WDR47: variants seen among roughly 807,000 people sequenced by gnomAD.
The protein encoded by WDR47 is WD repeat-containing protein 47.
A neutral mutation model predicts 97.2 loss-of-function variants in WDR47; 32 were observed. The ratio of observed to expected loss-of-function variants is 0.33; its 90% CI spans 0.25 to 0.44. The LOEUF is 0.44. WDR47 is among the 20% of genes least tolerant of loss of function. The pLI is 1.00. For synonymous variants in WDR47, 375 were observed against 373.5 expected (o/e 1.00, Z -0.05); for missense variants, 782 against 1,102.3 (o/e 0.71, Z 4.11).
At chr1:108,979,403 A>C (rs1658171282) in intron 13 of WDR47, among the ~76,000 whole-genome samples, 1 of 152,166 alleles carries the variant, frequency 6.6e-6, no homozygotes, top group African/African-American at 2.4e-5. Context: ...GTGTGTGCCT[A>C]TGGTCCCAGC....
intron 1 of WDR47, among the ~76,000 whole-genome samples, chr1:109,038,128 C>T (rs1311030001): frequency 6.6e-6 from 1 of 152,146 alleles, no homozygotes; most frequent in Non-Finnish European, 1.5e-5. Flanking sequence ...TATGAGCCAC[C>T]TCGCCCAGCC....
intron 14 of WDR47, 74 bp from the exon 15 acceptor site, chr1:108,971,646 T>C (rs1451635744): frequency 6.6e-7 from 1 of 1,521,538 alleles, no homozygotes; most frequent in African/African-American, 1.4e-5. Flanking sequence ...TTCCTGTTAC[T>C]TTAAGACATT....
rs1290746830 is a variant in WDR47 at position 109,002,328 on chromosome 1, C to T, written c.1329G>A (p.Lys443=). ...RLRYQQHLEQ[K]EQQRQIYQQM... is the part of the protein sequence containing the mutation. ...GTTGGTATATCTGCCGCTGTTGCTCCTTCTGTTCTAAATGCTGTTGATAGC... is the reference window on the plus strand; with the variant it reads ...GTTGGTATATCTGCCGCTGTTGCTCTTTCTGTTCTAAATGCTGTTGATAGC... Residue 443 remains lysine (K), a synonymous_variant, in exon 7 of 15, where the codon AAG becomes AAA. Coordinates refer to ENST00000369962, the MANE Select transcript of WDR47 (RefSeq NM_001142551.2). 1 of 1,613,292 alleles carries T rather than the reference C, an allele frequency of 6.2e-7. No homozygotes were observed. Among genetic ancestry groups the T allele is most frequent in the Non-Finnish European group, 8.5e-7 (1 of 1,179,898 alleles).
intron 1 of WDR47, among the ~76,000 whole-genome samples, chr1:109,033,469 A>C (rs1375526366): frequency 4.6e-5 from 7 of 152,226 alleles, no homozygotes; most frequent in Non-Finnish European, 1.5e-5. Context: ...AACCTCAATA[A>C]TAGTTTTATA....
At chr1:109,028,362 G>GTTTGTTT (rs1662361700) in intron 1 of WDR47, among the ~76,000 whole-genome samples, 1 of 79,788 alleles carries the variant, frequency 1.3e-5, no homozygotes, top group Non-Finnish European at 2.1e-5. Flanking sequence ...TTTTTGTTGG[G>GTTTGTTT]TTTTTTTTTT....
intron 6 of WDR47, among the ~76,000 whole-genome samples, chr1:109,003,384 AATTTT>A (rs1465929453): frequency 6.6e-6 from 1 of 151,946 alleles, no homozygotes; most frequent in Non-Finnish European, 1.5e-5. Context: ...TTCTTTTTTT[AATTTT>A]AATTTTTTTC....
chr1:108,976,542 C>A (rs1657912901), intron 13 of WDR47, among the ~76,000 whole-genome samples: 4 of 152,214 alleles, frequency 2.6e-5, no homozygotes, highest in Admixed American at 2.0e-4. Flanking sequence ...AGGTGCTAAA[C>A]CTCTTCTGAA....
At chr1:109,008,558 G>A (rs912529151) in intron 5 of WDR47, among the ~76,000 whole-genome samples, 5 of 141,108 alleles carry the variant, frequency 3.5e-5, no homozygotes, top group South Asian at 2.4e-4. Flanking sequence ...CCATCGCGCC[G>A]GGCCTCATCC....
At chr1:109,030,612 C>CAG (rs1274932788) in intron 1 of WDR47, among the ~76,000 whole-genome samples, 1 of 142,048 alleles carries the variant, frequency 7.0e-6, no homozygotes, top group African/African-American at 2.5e-5. Context: ...CTTTAATCTT[C>CAG]CAAGTATTAC....
At chr1:109,019,548 G>A (rs949096846) in intron 2 of WDR47, among the ~76,000 whole-genome samples, 4 of 152,124 alleles carry the variant, frequency 2.6e-5, no homozygotes, top group Non-Finnish European at 5.9e-5. Context: ...CACAACTGGG[G>A]ATACTACTGG....
At chr1:108,992,275 T>A (rs938175324) in intron 8 of WDR47, 75 of 888,332 alleles carry the variant, frequency 8.4e-5, no homozygotes, top group Non-Finnish European at 1.4e-4. Flanking sequence ...TGAGGTAATC[T>A]GTGAAAATGG....
At chr1:108,978,925 T>C (rs530079239) in intron 13 of WDR47, among the ~76,000 whole-genome samples, 81 of 152,278 alleles carry the variant, frequency 5.3e-4, no homozygotes, top group Non-Finnish European at 7.9e-4. Flanking sequence ...GCTAACGATA[T>C]ATATAGGCAA....
chr1:109,017,340 C>G (rs907342098), intron 3 of WDR47, among the ~76,000 whole-genome samples, 178 bp downstream of exon 3: 1 of 152,288 alleles, frequency 6.6e-6, no homozygotes, highest in African/African-American at 2.4e-5. Flanking sequence ...GAGACCAAGG[C>G]TGCAGTGAGC....
rs201493774 is a variant in WDR47 at position 109,020,300 on chromosome 1, G to C, written c.159-2699C>G. Among the ~76,000 whole-genome samples, 5 of 150,286 alleles carry C rather than the reference G, an allele frequency of 3.3e-5. No individual in the cohort carries two copies. The East Asian group carries it at 9.9e-4, about 30-fold the overall frequency. On this transcript the variant is annotated intron_variant, in intron 2 of 14. Transcript: ENST00000369962. Reference sequence around the variant, plus strand: ...CGCCCAGGCTGGAATGCAGTGGCACGATCTCAGCTCACTGCAAGCTCACGA... The same window carrying C: ...CGCCCAGGCTGGAATGCAGTGGCACCATCTCAGCTCACTGCAAGCTCACGA...
At chr1:108,988,939 G>A (rs964831911) in intron 9 of WDR47, among the ~76,000 whole-genome samples, 7 of 151,976 alleles carry the variant, frequency 4.6e-5, no homozygotes, top group Non-Finnish European at 8.8e-5. Context: ...TGTATTTTTA[G>A]TAGAGATGGG....
intron 10 of WDR47, 86 bp downstream of exon 10, chr1:108,986,437 T>C (rs1658818188): frequency 8.3e-7 from 1 of 1,212,034 alleles, no homozygotes; most frequent in Admixed American, 2.5e-5. Context: ...TTTGAAACAC[T>C]ACTGAATGGC....
At chr1:108,982,549 G>A in intron 12 of WDR47, 60 bp downstream of exon 12, 1 of 1,527,452 alleles carries the variant, frequency 6.5e-7, no homozygotes. Flanking sequence ...AATGCAGAGA[G>A]GAAAAAAAAG....
At chr1:109,029,484 A>T (rs928940851) in intron 1 of WDR47, among the ~76,000 whole-genome samples, 4 of 151,800 alleles carry the variant, frequency 2.6e-5, no homozygotes, top group African/African-American at 9.7e-5. Context: ...ACATGATAAA[A>T]CCCTGTCTCT....
chr1:109,007,147 T>A (rs1437821435), intron 5 of WDR47, among the ~76,000 whole-genome samples: 7 of 150,054 alleles, frequency 4.7e-5, no homozygotes, highest in Non-Finnish European at 8.9e-5. Context: ...CAACATGATG[T>A]CCAGGATAGT....
Sources: allele counts gnomAD v4.1 joint callset (sites outside exome capture counted in the v4.1 genomes callset), GRCh38; gene constraint gnomAD v4.1.1; transcripts MANE v1.5; gene names NCBI Gene and HGNC (gene_info 2026-07-23, HGNC 2026-07-21).